F13A1: variants seen among roughly 807,000 people sequenced by gnomAD.
F13A1 encodes the protein coagulation factor XIII A chain.
Under a neutral mutation model 80.1 loss-of-function variants are expected in F13A1, and 47 were observed. The ratio of observed to expected loss-of-function variants is 0.59; its 90% CI spans 0.46 to 0.75. F13A1 has a LOEUF of 0.75. F13A1 is among the 30% of genes least tolerant of loss of function. F13A1 has a pLI of 0.00. For synonymous variants in F13A1, 349 were observed against 344.9 expected (o/e 1.01, Z -0.13); for missense variants, 817 against 930.4 (o/e 0.88, Z 1.59).
intron 6 of F13A1, among the ~76,000 whole-genome samples, chr6:6,237,490 A>C (rs1210642123): frequency 6.6e-6 from 1 of 152,168 alleles, no homozygotes; most frequent in Admixed American, 6.6e-5. Context: ...TGGTTTGCTT[A>C]ATAACAAGCT....
At chr6:6,237,223 C>T (rs186862232) in intron 6 of F13A1, among the ~76,000 whole-genome samples, 56 of 152,166 alleles carry the variant, frequency 3.7e-4, no homozygotes, top group African/African-American at 1.2e-3. Flanking sequence ...GTGCCTGCTC[C>T]GCCATTTGCC....
chr6:6,153,861 A>G (rs1432180825), intron 13 of F13A1, among the ~76,000 whole-genome samples: 3 of 152,200 alleles, frequency 2.0e-5, no homozygotes, highest in African/African-American at 4.8e-5. Flanking sequence ...GCTCGATCAG[A>G]CTATAATAAT....
chr6:6,290,514 C>G (rs1354625456), intron 3 of F13A1, among the ~76,000 whole-genome samples: 1 of 152,156 alleles, frequency 6.6e-6, no homozygotes, highest in East Asian at 1.9e-4. Flanking sequence ...AAACAAGATT[C>G]ATTTTTTGAC....
chr6:6,265,919 G>T (rs904127620), intron 4 of F13A1, among the ~76,000 whole-genome samples: 1 of 152,214 alleles, frequency 6.6e-6, no homozygotes, highest in Admixed American at 6.5e-5. Context: ...AGGTTATACT[G>T]TCAACATATA....
intron 2 of F13A1, among the ~76,000 whole-genome samples, chr6:6,311,182 G>A (rs948856495): frequency 3.3e-5 from 5 of 152,152 alleles, no homozygotes; most frequent in South Asian, 2.1e-4. Context: ...GTGCAGAAAT[G>A]CCACAGCAAA....
intron 10 of F13A1, among the ~76,000 whole-genome samples, chr6:6,192,739 C>T (rs911370733): frequency 6.6e-6 from 1 of 152,116 alleles, no homozygotes; most frequent in Non-Finnish European, 1.5e-5. Flanking sequence ...GCTGTGGTCC[C>T]AGGGAGCCAG....
chr6:6,197,653 G>A (rs895446329), intron 8 of F13A1, among the ~76,000 whole-genome samples: 10 of 150,288 alleles, frequency 6.7e-5, no homozygotes, highest in Admixed American at 3.3e-4. Flanking sequence ...ACTTCAGCCT[G>A]GTGACAGAGG....
chr6:6,318,907 A>G (rs1447433080), intron 1 of F13A1, among the ~76,000 whole-genome samples: 1 of 152,192 alleles, frequency 6.6e-6, no homozygotes, highest in South Asian at 2.1e-4. Context: ...GTATGTGTCA[A>G]AACATATGGA....
chr6:6,283,433 G>T (rs749005), intron 3 of F13A1, among the ~76,000 whole-genome samples: 23,122 of 152,064 alleles, frequency 0.15, 1,882 homozygotes, highest in African/African-American at 0.18. Flanking sequence ...TCCTTATTTT[G>T]ATGGTTGCAC....
In F13A1 at chr6:6,250,624, A is replaced by C. The variant is rs1757617276; in HGVS notation, c.690+187T>G. Among the ~76,000 whole-genome samples the C allele has an allele frequency of 6.6e-6, 1 of 152,174 alleles. No homozygotes were observed. Among genetic ancestry groups the C allele is most frequent in the African/African-American group, 2.4e-5 (1 of 41,442 alleles). On this transcript the variant is annotated intron_variant, in intron 5 of 14. Transcript: ENST00000264870. The surrounding 1 kb of genome is among the most constrained non-coding windows in gnomAD (Gnocchi z 4.2). ...GTAATACCCAGAGATATGTGGTTTC[A>C]GCTGATAAATTACGCAGTTGTCTTT...
At chr6:6,249,720 G>A (rs889351854) in intron 5 of F13A1, among the ~76,000 whole-genome samples, 1 of 152,124 alleles carries the variant, frequency 6.6e-6, no homozygotes, top group African/African-American at 2.4e-5. Flanking sequence ...TAGAAATTGG[G>A]GACCCAAGAC....
intron 3 of F13A1, among the ~76,000 whole-genome samples, chr6:6,287,557 G>A: frequency 6.6e-6 from 1 of 152,022 alleles, no homozygotes; most frequent in East Asian, 1.9e-4. Context: ...TTCTCATTCC[G>A]ATACCCATGG....
chr6:6,301,592 T>A (rs74760556), intron 3 of F13A1, among the ~76,000 whole-genome samples: 2,777 of 152,348 alleles, frequency 0.018, 41 homozygotes, highest in African/African-American at 0.039. Context: ...ACAAATTAGC[T>A]ATGCTTTTCC....
intron 9 of F13A1, 124 bp from the exon 10 acceptor site, chr6:6,196,009 A>G: frequency 1.1e-6 from 1 of 907,728 alleles, no homozygotes; most frequent in Non-Finnish European, 1.8e-6. Flanking sequence ...TTGCTGATTT[A>G]GCCCAGATGC....
intron 9 of F13A1, 120 bp downstream of exon 9, chr6:6,197,103 G>A (rs1761304183): frequency 1.2e-6 from 1 of 849,470 alleles, no homozygotes; most frequent in African/African-American, 1.7e-5. Flanking sequence ...CATGTGCCCA[G>A]GAAGCACACT....
intron 7 of F13A1, 140 bp downstream of exon 7, chr6:6,224,546 G>A (rs1757248266): frequency 2.7e-6 from 2 of 734,428 alleles, no homozygotes; most frequent in East Asian, 5.1e-5. Flanking sequence ...ATTATGCATT[G>A]ACTACATCCC....
intron 4 of F13A1, among the ~76,000 whole-genome samples, chr6:6,266,069 G>A (rs1056533549): frequency 6.6e-6 from 1 of 152,162 alleles, no homozygotes; most frequent in Non-Finnish European, 1.5e-5. Context: ...ATGTATAGCA[G>A]CATTGACTTC....
At chr6:6,298,782 C>T (rs1758372677) in intron 3 of F13A1, among the ~76,000 whole-genome samples, 1 of 149,450 alleles carries the variant, frequency 6.7e-6, no homozygotes, top group African/African-American at 2.6e-5. Context: ...TGAATTTGAT[C>T]CTGTCATTAT....
At position 6,145,741 on chromosome 6, in the gene F13A1, C is replaced by G. The variant is rs764990686; in HGVS notation, c.2077G>C (p.Glu693Gln). The G allele has an allele frequency of 2.5e-6, 4 of 1,614,160 alleles. No individual in the cohort carries two copies. Among genetic ancestry groups the G allele is most frequent in the Non-Finnish European group, 2.5e-6 (3 of 1,180,026 alleles). The change falls in exon 15 of 15, where the codon GAA (glutamate) becomes CAA (glutamine). Residue 693 changes from glutamate (E) to glutamine (Q), a missense_variant. Glu to Gln is a conservative substitution (Grantham distance 29, BLOSUM62 2). Transcript: ENST00000264870. ...EIRPNSTVQWEEVCRPWVSGH... is the reference protein window; with the variant it reads ...EIRPNSTVQWQEVCRPWVSGH... ...GAGACCCAGGGCCGGCACACTTCTT[C>G]CCACTGCACGGTGGAGTTGGGCCGG...
Sources: gnomAD v4.1 joint callset for allele counts (sites outside exome capture counted in the v4.1 genomes callset) on GRCh38, gnomAD v4.1.1 for gene constraint, Gnocchi (gnomAD v3.1) non-coding constraint, MANE v1.5 for transcripts, NCBI Gene and HGNC (gene_info 2026-07-23, HGNC 2026-07-21) for gene names.